The following TECTA variants were observed in gnomAD, a reference collection of about 807,000 sequenced individuals.
The protein encoded by TECTA is tectorin alpha.
TECTA carries 128 observed loss-of-function variants against 216.8 expected under a neutral mutation model. That is an observed-to-expected ratio of 0.59 (90% CI 0.51 to 0.68). TECTA has a LOEUF of 0.68. Ranked by LOEUF, TECTA falls within the 30% of genes least tolerant of loss-of-function variation. The probability of loss-of-function intolerance (pLI) is 0.00; values close to 1 mark genes in which losing one functional copy is unlikely to be tolerated. For missense variants in TECTA, 2,551 were observed against 2,786.2 expected (o/e 0.92, Z 1.90); for synonymous variants, 1,089 against 1,117.1 (o/e 0.97, Z 0.50).
At chr11:121,116,888 C>G (rs1481726788) in intron 6 of TECTA, among the ~76,000 whole-genome samples, 1 of 152,144 alleles carries the variant, frequency 6.6e-6, no homozygotes, top group Admixed American at 6.6e-5. Context: ...AGGATTAGGA[C>G]CTGTTTTCAG....
At chr11:121,177,247 C>A (rs1364468343) in intron 20 of TECTA, among the ~76,000 whole-genome samples, 1 of 152,088 alleles carries the variant, frequency 6.6e-6, no homozygotes, top group African/African-American at 2.4e-5. Flanking sequence ...GGAGGAGAGG[C>A]GCTCTGCTTT....
intron 11 of TECTA, 28 bp downstream of exon 11, chr11:121,138,050 G>C (rs757460828): frequency 6.2e-7 from 1 of 1,613,154 alleles, no homozygotes; most frequent in South Asian, 1.1e-5. Flanking sequence ...CCCCTCAAAA[G>C]GGGAATCGTG....
chr11:121,140,659 C>G (rs911169919), intron 11 of TECTA, among the ~76,000 whole-genome samples: 1 of 152,182 alleles, frequency 6.6e-6, no homozygotes, highest in African/African-American at 2.4e-5. Flanking sequence ...AGCACCACCC[C>G]CTGCCTCTCT....
chr11:121,180,830 T>A (rs1947220338), intron 20 of TECTA, among the ~76,000 whole-genome samples: 1 of 146,994 alleles, frequency 6.8e-6, no homozygotes, highest in Admixed American at 6.7e-5. Context: ...TTTTTTTTTT[T>A]TGCCTGACTA....
chr11:121,134,462 G>A (rs1296641733), intron 10 of TECTA, among the ~76,000 whole-genome samples: 1 of 152,158 alleles, frequency 6.6e-6, no homozygotes, highest in African/African-American at 2.4e-5. Flanking sequence ...TGAGCCCCCG[G>A]GGAGGGACTA....
chr11:121,111,016 T>C (rs1330537729), intron 4 of TECTA, among the ~76,000 whole-genome samples: 2 of 152,156 alleles, frequency 1.3e-5, no homozygotes, highest in African/African-American at 2.4e-5. Context: ...TCCCCTTCTG[T>C]ATAGAAACAC....
intron 7 of TECTA, among the ~76,000 whole-genome samples, chr11:121,124,870 G>A (rs879529648): frequency 2.0e-5 from 3 of 152,240 alleles, no homozygotes; most frequent in Admixed American, 6.5e-5. Flanking sequence ...AGAGTGGGGT[G>A]AGGAGGACTA....
In TECTA at chr11:121,130,088, C is replaced by A. The variant is rs1349394764; in HGVS notation, c.2818C>A (p.Leu940Ile). The A allele has an allele frequency of 1.9e-6, 3 of 1,613,902 alleles. No homozygotes were observed. Among genetic ancestry groups the A allele is most frequent in the Non-Finnish European group, 2.5e-6 (3 of 1,180,030 alleles). ...VNVTAYYRTC[L>I]FRLCQSGGNE... ...CGTCACTGCCTATTACCGCACCTGC[C>A]TTTTCCGCCTGTGCCAGAGTGGGGG... Residue 940 changes from leucine to isoleucine, a missense_variant, in exon 10 of 24, where the codon CTT becomes ATT. Around this residue, in one of 3 missense-constraint regions of TECTA, gnomAD observed 2,375 missense variants for 2,563.9 expected, o/e 0.93. Coordinates refer to ENST00000392793, the MANE Select transcript of TECTA (RefSeq NM_005422.4).
chr11:121,146,073 T>C lies in TECTA; in HGVS notation c.4062T>C (p.Thr1354=). 1 of 1,612,738 alleles carries C rather than the reference T, an allele frequency of 6.2e-7. No individual in the cohort carries two copies. The highest frequency in any genetic ancestry group is 1.1e-5 in the South Asian group (1 of 91,084). The change falls in exon 12 of 24, where the codon ACT becomes ACC. Residue 1354 remains threonine (T), a synonymous_variant. Coordinates refer to ENST00000392793, the MANE Select transcript of TECTA (RefSeq NM_005422.4). ...AGAACTACGCCAGCACCTGCCAGAC[T>C]CAGGGGATTACGGTGACTGGCTGGA... ...WLQNYASTCQ[T]QGITVTGWRN... is the part of the protein sequence containing the mutation.
intron 9 of TECTA, 100 bp downstream of exon 9, chr11:121,128,444 G>C (rs1946638722): frequency 1.8e-6 from 2 of 1,118,924 alleles, no homozygotes; most frequent in African/African-American, 3.1e-5. Flanking sequence ...CTGCCTATGA[G>C]TGGATTTTAG....
At chr11:121,176,283 C>T (rs1947165878) in intron 20 of TECTA, among the ~76,000 whole-genome samples, 2 of 150,956 alleles carry the variant, frequency 1.3e-5, no homozygotes, top group Admixed American at 6.6e-5. Context: ...TTCCTAGCCT[C>T]GATGGTCTTT....
intron 12 of TECTA, 81 bp downstream of exon 12, chr11:121,146,197 G>T: frequency 6.5e-7 from 1 of 1,538,880 alleles, no homozygotes; most frequent in Admixed American, 1.7e-5. Context: ...CAACTCCCTA[G>T]AAGTCAGAGC....
chr11:121,127,700 C>T lies in TECTA; in HGVS notation c.1775-52C>T. On this transcript the variant is annotated intron_variant, in intron 8 of 23. Coordinates refer to ENST00000392793, the MANE Select transcript of TECTA (RefSeq NM_005422.4). This position sits in a 1 kb window ranked among gnomAD's most constrained non-coding sequence, Gnocchi z 5.0. Reference sequence around the variant, plus strand: ...GAGCGTTAAGATTCTGGCGGGTTAGCACTCCGGGTCCATTCACCTTGTTAT... The same window carrying T: ...GAGCGTTAAGATTCTGGCGGGTTAGTACTCCGGGTCCATTCACCTTGTTAT... 1 of 1,598,060 alleles carries T rather than the reference C, an allele frequency of 6.3e-7. No homozygotes were observed. The highest frequency in any genetic ancestry group is 8.6e-7 in the Non-Finnish European group (1 of 1,165,516).
chr11:121,137,809 C>T lies in TECTA; in HGVS notation c.3330C>T (p.Thr1110=). 6.2e-7 allele frequency: 1 copy of T among 1,612,422 alleles called. No individual in the cohort carries two copies. The highest frequency in any genetic ancestry group is 2.2e-5 in the East Asian group (1 of 44,814). The part of the protein sequence containing the change: ...CIVSGYGHYL[T]FDGFPFDFQT... Reference sequence around the variant, plus strand: ...TCTCAGGCTACGGCCACTACCTCACCTTTGATGGCTTCCCCTTTGACTTCC... The same window carrying T: ...TCTCAGGCTACGGCCACTACCTCACTTTTGATGGCTTCCCCTTTGACTTCC... Residue 1110 remains threonine (T), a synonymous_variant, in exon 11 of 24, where the codon ACC becomes ACT. Coordinates refer to ENST00000392793, the MANE Select transcript of TECTA (RefSeq NM_005422.4).
At chr11:121,169,076 A>G (rs1362144345) in intron 20 of TECTA, 151 bp downstream of exon 20, 2 of 1,242,582 alleles carry the variant, frequency 1.6e-6, no homozygotes, top group African/African-American at 3.0e-5. Context: ...TCTCAAGACA[A>G]CCTATGAGGT....
chr11:121,111,054 C>T (rs1946437458), intron 4 of TECTA, among the ~76,000 whole-genome samples: 1 of 152,146 alleles, frequency 6.6e-6, no homozygotes, highest in African/African-American at 2.4e-5. Context: ...AAACACTGGG[C>T]TTGAGAGGTC....
chr11:121,180,931 G>A (rs572621688), intron 20 of TECTA, among the ~76,000 whole-genome samples: 2 of 151,758 alleles, frequency 1.3e-5, no homozygotes, highest in South Asian at 4.2e-4. Context: ...ACTTTAGGAG[G>A]CCGAAGCGGG....
chr11:121,186,170 A>G (rs1179475837), intron 20 of TECTA, among the ~76,000 whole-genome samples: 2 of 150,810 alleles, frequency 1.3e-5, no homozygotes, highest in South Asian at 4.2e-4. Flanking sequence ...ATGAATGAGT[A>G]GGGAAAGCAG....
chr11:121,140,062 G>A (rs1177840298), intron 11 of TECTA, among the ~76,000 whole-genome samples: 2 of 152,040 alleles, frequency 1.3e-5, no homozygotes, highest in African/African-American at 2.4e-5. Context: ...GTGCTCTTTG[G>A]CCTTTCTGCC....
Sources: gnomAD v4.1 joint callset for allele counts (sites outside exome capture counted in the v4.1 genomes callset) on GRCh38, gnomAD v4.1.1 for gene constraint, gnomAD v4.1.1 regional missense constraint, Gnocchi (gnomAD v3.1) non-coding constraint, MANE v1.5 for transcripts, NCBI Gene and HGNC (gene_info 2026-07-23, HGNC 2026-07-21) for gene names.